Variants in CSNK2A2IP observed in about 807,000 individuals in gnomAD.
CSNK2A2IP encodes casein kinase II subunit alpha'-interacting protein.
chr3:88,350,736 A>G, the CSNK2A2IP span, among the ~76,000 whole-genome samples: 1 of 152,126 alleles, frequency 6.6e-6, no homozygotes, highest in African/African-American at 2.4e-5. Context: ...AAGAAACCAT[A>G]AAGGGCACTG....
the CSNK2A2IP span, among the ~76,000 whole-genome samples, chr3:88,445,275 C>CA: frequency 5.1e-3 from 244 of 47,754 alleles, 4 homozygotes; most frequent in East Asian, 0.015. Flanking sequence ...GTAAAAATAC[C>CA]AAAAAAAAAA....
the CSNK2A2IP span, among the ~76,000 whole-genome samples, chr3:88,361,643 C>A: frequency 6.6e-5 from 10 of 151,934 alleles, no homozygotes; most frequent in African/African-American, 2.4e-4. Context: ...ATTCTTTATG[C>A]CTAGATATTT....
chr3:88,362,811 C>T, the CSNK2A2IP span, among the ~76,000 whole-genome samples: 9 of 152,172 alleles, frequency 5.9e-5, no homozygotes, highest in Non-Finnish European at 1.0e-4. Context: ...TTTATTTTAA[C>T]GTGGCTGAGC....
chr3:88,418,463 T>TGTGTGCGCGCGCGCGCGCGCAC, the CSNK2A2IP span, among the ~76,000 whole-genome samples: 2 of 149,632 alleles, frequency 1.3e-5, no homozygotes, highest in African/African-American at 4.9e-5. Flanking sequence ...TGTGTGTGTG[T>TGTGTGCGCGCGCGCGCGCGCAC]GCGCGCGGGC....
At chr3:88,371,784 G>A in the CSNK2A2IP span, among the ~76,000 whole-genome samples, 1 of 151,588 alleles carries the variant, frequency 6.6e-6, no homozygotes, top group African/African-American at 2.4e-5. Flanking sequence ...AACATTAAAT[G>A]GAATACATTG....
the CSNK2A2IP span, among the ~76,000 whole-genome samples, chr3:88,438,865 G>T: frequency 6.6e-6 from 1 of 152,056 alleles, no homozygotes; most frequent in Admixed American, 6.5e-5. Flanking sequence ...ACCTTATGAT[G>T]GGTGGGGAAA....
chr3:88,400,498 A>T, the CSNK2A2IP span, among the ~76,000 whole-genome samples: 2 of 152,192 alleles, frequency 1.3e-5, no homozygotes. Flanking sequence ...TGATTACATT[A>T]AGAACCTTGA....
chr3:88,466,841 A>G, the CSNK2A2IP span: 4 of 1,026,216 alleles, frequency 3.9e-6, no homozygotes, highest in African/African-American at 5.0e-5. Context: ...GGAAAGAAAA[A>G]TCCTCATTGT....
chr3:88,424,537 A>G, the CSNK2A2IP span, among the ~76,000 whole-genome samples: 1 of 152,202 alleles, frequency 6.6e-6, no homozygotes, highest in East Asian at 1.9e-4. Flanking sequence ...TTAAAAACAT[A>G]AAAAGAAAAG....
chr3:88,442,790 T>G, the CSNK2A2IP span, among the ~76,000 whole-genome samples: 1 of 152,050 alleles, frequency 6.6e-6, no homozygotes, highest in African/African-American at 2.4e-5. Flanking sequence ...ATGACAATTC[T>G]TGCATCCCTG....
the CSNK2A2IP span, chr3:88,466,215 T>G: frequency 8.1e-7 from 1 of 1,231,566 alleles, no homozygotes; most frequent in Non-Finnish European, 1.0e-6. Context: ...TATTGAACTC[T>G]AACCCCACTA....
the CSNK2A2IP span, among the ~76,000 whole-genome samples, chr3:88,459,530 A>AT: frequency 6.6e-6 from 1 of 151,976 alleles, no homozygotes; most frequent in Non-Finnish European, 1.5e-5. Flanking sequence ...GTTATGTCTC[A>AT]TTTTTTATTC....
chr3:88,424,577 A>C, the CSNK2A2IP span, among the ~76,000 whole-genome samples: 1 of 152,132 alleles, frequency 6.6e-6, no homozygotes, highest in Non-Finnish European at 1.5e-5. Flanking sequence ...ATTACTGCAA[A>C]CTGTGCAAGG....
At chr3:88,467,533 A>G in the CSNK2A2IP span, 7 of 398,442 alleles carry the variant, frequency 1.8e-5, no homozygotes, top group African/African-American at 1.4e-4. Context: ...GGGAGCAAAC[A>G]CACTGTTCAA....
the CSNK2A2IP span, among the ~76,000 whole-genome samples, chr3:88,433,317 C>A: frequency 6.6e-6 from 1 of 151,866 alleles, no homozygotes; most frequent in Admixed American, 6.6e-5. Flanking sequence ...TTTGTACACC[C>A]TATATATAGC....
At chr3:88,408,998 C>T in the CSNK2A2IP span, among the ~76,000 whole-genome samples, 15 of 152,158 alleles carry the variant, frequency 9.9e-5, no homozygotes, top group African/African-American at 3.1e-4. Context: ...TAATTAGTTG[C>T]TATTACGTGG....
the CSNK2A2IP span, among the ~76,000 whole-genome samples, chr3:88,354,748 C>A: frequency 1.3e-5 from 2 of 152,164 alleles, no homozygotes; most frequent in East Asian, 3.9e-4. Flanking sequence ...AGAAAAGAAA[C>A]CCCATGAGAT....
chr3:88,463,206 G>A, the CSNK2A2IP span, among the ~76,000 whole-genome samples: 5 of 151,416 alleles, frequency 3.3e-5, no homozygotes, highest in African/African-American at 1.2e-4. Context: ...AGGGCCTCAG[G>A]CCAACGACTT....
the CSNK2A2IP span, among the ~76,000 whole-genome samples, chr3:88,464,071 C>A: frequency 0.038 from 5,698 of 150,566 alleles, 182 homozygotes; most frequent in East Asian, 0.17. Flanking sequence ...GGACAAAAAA[C>A]CAAACACCAC....
Sources: gnomAD v4.1 joint callset for allele counts (sites outside exome capture counted in the v4.1 genomes callset) on GRCh38, gnomAD v4.1.1 for gene constraint, MANE v1.5 for transcripts, NCBI Gene and HGNC (gene_info 2026-07-23, HGNC 2026-07-21) for gene names.